The following SDK2 variants were observed in gnomAD, a reference collection of about 807,000 sequenced individuals.
SDK2 encodes the protein protein sidekick-2.
SDK2 carries 105 observed loss-of-function variants against 253.9 expected under a neutral mutation model. That is an observed-to-expected ratio of 0.41 (90% CI 0.35 to 0.49). SDK2 has a LOEUF of 0.49. Among genes scored for constraint, SDK2 ranks in the 20% least tolerant of loss-of-function variants. The pLI is 0.06. For missense variants in SDK2, 2,608 were observed against 3,003.0 expected, an observed-to-expected ratio of 0.87 and a Z score of 3.07; for synonymous variants, 1,249 against 1,234.9, an observed-to-expected ratio of 1.01 and a Z score of -0.24.
At chr17:73,390,607 G>A (rs1329993259) in intron 28 of SDK2, 126 bp from the exon 29 acceptor site, 5 of 992,770 alleles carry the variant, frequency 5.0e-6, no homozygotes, top group Non-Finnish European at 7.3e-6. Context: ...TGGTCCCTTT[G>A]GCTGTGGTCT....
At chr17:73,397,038 T>C (rs2062976830) in intron 24 of SDK2, among the ~76,000 whole-genome samples, 1 of 152,108 alleles carries the variant, frequency 6.6e-6, no homozygotes, top group African/African-American at 2.4e-5. Flanking sequence ...GACTTCACAG[T>C]GTGGTGTGTT....
At chr17:73,448,566 T>A (rs62073334) in intron 4 of SDK2, among the ~76,000 whole-genome samples, 4 of 151,964 alleles carry the variant, frequency 2.6e-5, no homozygotes, top group African/African-American at 9.7e-5. Context: ...GGGTTTCACT[T>A]TGTTAGCCAG....
At chr17:73,584,479 A>G (rs1365177075) in intron 1 of SDK2, among the ~76,000 whole-genome samples, 1 of 152,228 alleles carries the variant, frequency 6.6e-6, no homozygotes, top group Non-Finnish European at 1.5e-5. Context: ...AGAGGGAAAC[A>G]GTCAGCTCCG....
rs1160822180 is a variant in SDK2, at chr17:73,618,254, A to C, written c.64+25771T>G. Among the ~76,000 whole-genome samples, 1 of 152,180 alleles carries C rather than the reference A, an allele frequency of 6.6e-6. No homozygotes were observed. The highest frequency in any genetic ancestry group is 1.5e-5 in the Non-Finnish European group (1 of 68,032). ...GGAGTGTCCCTCTTAATTAGACCCC[A>C]TACCTTTGCCCAGCCTCATTTTATG... On this transcript the variant is annotated intron_variant, in intron 1 of 44. Coordinates refer to ENST00000392650, the MANE Select transcript of SDK2 (RefSeq NM_001144952.2). The surrounding 1 kb of genome is among the most constrained non-coding windows in gnomAD (Gnocchi z 4.1).
At chr17:73,345,011 A>G (rs767833935) in intron 44 of SDK2, among the ~76,000 whole-genome samples, 5 of 152,190 alleles carry the variant, frequency 3.3e-5, no homozygotes, top group Non-Finnish European at 7.4e-5. Context: ...CTGCCTCTGC[A>G]TCGCAGGAAA....
At chr17:73,372,753 C>CA (rs1293883867) in intron 36 of SDK2, among the ~76,000 whole-genome samples, 10 of 151,580 alleles carry the variant, frequency 6.6e-5, no homozygotes, top group African/African-American at 1.7e-4. Flanking sequence ...AAAAAACAAA[C>CA]AAACAAAAAA....
At chr17:73,354,380 G>A (rs565988856) in intron 40 of SDK2, among the ~76,000 whole-genome samples, 122 of 152,274 alleles carry the variant, frequency 8.0e-4, no homozygotes, top group African/African-American at 2.7e-3. Flanking sequence ...AGAGCGGTGC[G>A]GGTGCTGCCT....
chr17:73,489,650 G>C (rs1041885934), intron 2 of SDK2, among the ~76,000 whole-genome samples: 1 of 152,200 alleles, frequency 6.6e-6, no homozygotes, highest in Non-Finnish European at 1.5e-5. Context: ...TCCCTATAAC[G>C]AGCTTGGTAG....
intron 1 of SDK2, among the ~76,000 whole-genome samples, chr17:73,607,628 TG>T (rs1365444263): frequency 6.6e-6 from 1 of 152,098 alleles, no homozygotes; most frequent in Admixed American, 6.5e-5. Flanking sequence ...AGGAGTCACC[TG>T]GGGTGCAGCA....
chr17:73,472,322 G>A, intron 2 of SDK2, 104 bp from the exon 3 acceptor site: 2 of 718,970 alleles, frequency 2.8e-6, no homozygotes, highest in East Asian at 2.8e-5. Flanking sequence ...CCCTCTTTTG[G>A]AATAAGAGTA....
intron 32 of SDK2, 95 bp downstream of exon 32, chr17:73,385,752 G>T (rs1220179473): frequency 5.2e-6 from 6 of 1,153,314 alleles, no homozygotes; most frequent in African/African-American, 3.1e-5. Context: ...GAACTTGGGG[G>T]CTCCACGCAG....
At chr17:73,513,370 T>C (rs2063996790) in intron 1 of SDK2, among the ~76,000 whole-genome samples, 1 of 152,332 alleles carries the variant, frequency 6.6e-6, no homozygotes, top group East Asian at 1.9e-4. Flanking sequence ...CTCAGCCTCA[T>C]GATAAGAAAA....
At chr17:73,418,269 T>G (rs911811957) in intron 16 of SDK2, among the ~76,000 whole-genome samples, 1 of 152,170 alleles carries the variant, frequency 6.6e-6, no homozygotes, top group African/African-American at 2.4e-5. Context: ...GCCTCCCAAA[T>G]TGCTGGGATT....
chr17:73,461,800 C>T (rs2063564158), intron 3 of SDK2, among the ~76,000 whole-genome samples: 1 of 151,956 alleles, frequency 6.6e-6, no homozygotes, highest in South Asian at 2.1e-4. Context: ...TATATGCTTA[C>T]ATGTATGTAT....
rs1241264264 is a variant in SDK2, at chr17:73,393,460, C to T, written c.3898+100G>A. ...CGGAGGCATCTGAGGCCATGGCTCC[C>T]TGTGGGGCAGAGCCTGACCCCAGAA... On this transcript the variant is annotated intron_variant, in intron 27 of 44. Coordinates refer to ENST00000392650, the MANE Select transcript of SDK2 (RefSeq NM_001144952.2). 8 of 1,141,296 alleles carry T rather than the reference C, an allele frequency of 7.0e-6. No homozygotes were observed. In the African/African-American group the frequency reaches 1.1e-4, roughly 16 times the overall value. 70.7% of individuals were successfully genotyped at this position (1,141,296 alleles called of 1,614,324 possible). A position where few individuals can be genotyped will look rare whatever the true frequency, so the allele number is the denominator to read the frequency against.
intron 2 of SDK2, among the ~76,000 whole-genome samples, chr17:73,503,793 C>A (rs2145752094): frequency 6.6e-6 from 1 of 152,350 alleles, no homozygotes; most frequent in Non-Finnish European, 1.5e-5. Flanking sequence ...TGCTGTTGCC[C>A]ACCACGACTG....
At chr17:73,627,651 C>A (rs374757522) in intron 1 of SDK2, among the ~76,000 whole-genome samples, 4 of 152,224 alleles carry the variant, frequency 2.6e-5, no homozygotes, top group Non-Finnish European at 5.9e-5. Context: ...CAGAGCCCCT[C>A]GGGCTCACAT....
intron 1 of SDK2, among the ~76,000 whole-genome samples, chr17:73,574,469 C>T (rs2145872775): frequency 6.6e-6 from 1 of 152,148 alleles, no homozygotes; most frequent in Non-Finnish European, 1.5e-5. Flanking sequence ...ACACGCCTCG[C>T]TGATCAGCCT....
intron 1 of SDK2, among the ~76,000 whole-genome samples, chr17:73,631,178 C>T (rs997680394): frequency 1.4e-4 from 21 of 152,298 alleles, no homozygotes; most frequent in Admixed American, 1.2e-3. Flanking sequence ...CCCAGTGATG[C>T]GCAGGCGGAT....
Sources: allele counts gnomAD v4.1 joint callset (sites outside exome capture counted in the v4.1 genomes callset), GRCh38; gene constraint gnomAD v4.1.1; non-coding constraint Gnocchi (gnomAD v3.1); transcripts MANE v1.5; gene names NCBI Gene and HGNC (gene_info 2026-07-23, HGNC 2026-07-21).